Variants in DYNC2LI1 observed in about 807,000 individuals in gnomAD.
DYNC2LI1 encodes dynein cytoplasmic 2 light intermediate chain 1.
DYNC2LI1 carries 45 observed loss-of-function variants against 51.9 expected under a neutral mutation model. That is an observed-to-expected ratio of 0.87 (90% CI 0.68 to 1.11). The LOEUF (loss-of-function observed/expected upper bound fraction) is 1.11. Among genes scored for constraint, DYNC2LI1 ranks in the 50% most tolerant of loss-of-function variants. DYNC2LI1 has a pLI of 0.00. For missense variants in DYNC2LI1, 490 were observed against 417.4 expected, an observed-to-expected ratio of 1.17 and a Z score of -1.51; for synonymous variants, 130 against 137.8, an observed-to-expected ratio of 0.94 and a Z score of 0.40.
chr2:43,813,078 C>T (rs377147892), downstream of DYNC2LI1: 12 of 836,556 alleles, frequency 1.4e-5, no homozygotes, highest in South Asian at 2.7e-5. Flanking sequence ...CATGCACAGT[C>T]GGCAGCTTCA....
intron 2 of DYNC2LI1, among the ~76,000 whole-genome samples, chr2:43,777,798 T>C (rs1038990081): frequency 2.6e-5 from 4 of 152,136 alleles, no homozygotes; most frequent in African/African-American, 9.7e-5. Flanking sequence ...ACACCCTCCA[T>C]TGGGGGTTTT....
At chr2:43,805,946 A>G (rs771871462) in intron 12 of DYNC2LI1, among the ~76,000 whole-genome samples, 1 of 150,938 alleles carries the variant, frequency 6.6e-6, no homozygotes, top group African/African-American at 2.5e-5. Flanking sequence ...CAGTGGCATG[A>G]CCTCGGCTCA....
the DYNC2LI1 span, among the ~76,000 whole-genome samples, chr2:43,820,332 C>T: frequency 5.3e-5 from 8 of 152,330 alleles, no homozygotes; most frequent in Admixed American, 1.3e-4. Flanking sequence ...TTCCCTTTCA[C>T]GGCTCCTTCA....
chr2:43,816,274 GAC>G, the DYNC2LI1 span, among the ~76,000 whole-genome samples: 1 of 152,214 alleles, frequency 6.6e-6, no homozygotes, highest in Non-Finnish European at 1.5e-5. Flanking sequence ...TGATGAATGA[GAC>G]ACAGCTGCTG....
chr2:43,827,922 A>C, the DYNC2LI1 span: 2 of 1,607,998 alleles, frequency 1.2e-6, no homozygotes, highest in East Asian at 4.5e-5. Flanking sequence ...GGCCCAAAGT[A>C]TCTGCACACA....
the DYNC2LI1 span, among the ~76,000 whole-genome samples, chr2:43,817,375 T>G: frequency 6.6e-6 from 1 of 151,722 alleles, no homozygotes; most frequent in Non-Finnish European, 1.5e-5. Context: ...ATCCCAGCTA[T>G]TCAGGAGGCT....
chr2:43,783,490 ACG>A (rs768349575), intron 2 of DYNC2LI1, 28 bp from the exon 3 acceptor site: 11 of 1,502,190 alleles, frequency 7.3e-6, no homozygotes, highest in Non-Finnish European at 9.8e-6. Context: ...AGTGACATTA[ACG>A]CAGTGTTCCT....
chr2:43,809,075 G>T (rs1295686234), intron 12 of DYNC2LI1, among the ~76,000 whole-genome samples: 3 of 151,826 alleles, frequency 2.0e-5, no homozygotes, highest in Non-Finnish European at 4.4e-5. Flanking sequence ...TGCAGCCTTG[G>T]CCTCCCAGGT....
In DYNC2LI1 at chr2:43,804,635, A is replaced by G; in HGVS notation, c.803-7A>G. ...GCAGTCATTTGTGGTAAAACTTGCT[A>G]TTTTAGGATCTCCTCCTGTTCCTGA... is the stretch of plus-strand genomic sequence containing the variant. On this transcript the variant is annotated splice_region_variant and splice_polypyrimidine_tract_variant and intron_variant, in intron 10 of 12. Coordinates refer to ENST00000260605, the MANE Select transcript of DYNC2LI1 (RefSeq NM_016008.4). 1 of 1,569,578 alleles carries G rather than the reference A, an allele frequency of 6.4e-7. No individual in the cohort carries two copies. The highest frequency in any genetic ancestry group is 1.2e-5 in the South Asian group (1 of 84,160).
intron 12 of DYNC2LI1, among the ~76,000 whole-genome samples, chr2:43,808,602 C>A (rs148557774): frequency 6.6e-6 from 1 of 152,116 alleles, no homozygotes. Context: ...AGGATAGCCA[C>A]CTCCACTAAA....
At chr2:43,796,316 C>T (rs2104699828) in intron 7 of DYNC2LI1, among the ~76,000 whole-genome samples, 1 of 143,796 alleles carries the variant, frequency 7.0e-6, no homozygotes, top group South Asian at 2.2e-4. Context: ...CTGGGTTACA[C>T]AGTGAGACAC....
At chr2:43,816,846 C>A in the DYNC2LI1 span, among the ~76,000 whole-genome samples, 2 of 152,210 alleles carry the variant, frequency 1.3e-5, no homozygotes, top group Admixed American at 1.3e-4. Context: ...GGCTCTGATA[C>A]TTCAGGTAAC....
intron 2 of DYNC2LI1, among the ~76,000 whole-genome samples, chr2:43,779,853 T>C (rs561849431): frequency 1.3e-5 from 2 of 152,246 alleles, no homozygotes; most frequent in Non-Finnish European, 2.9e-5. Flanking sequence ...TTGATACTAA[T>C]CTGCCCAGAG....
At chr2:43,824,945 A>C in the DYNC2LI1 span, 1 of 1,614,138 alleles carries the variant, frequency 6.2e-7, no homozygotes, top group Non-Finnish European at 8.5e-7. Flanking sequence ...GTCATTGAAG[A>C]AATCAAGCAT....
At chr2:43,810,389 A>G (rs1314461195), downstream of DYNC2LI1, 2 of 985,250 alleles carry the variant, frequency 2.0e-6, no homozygotes, top group South Asian at 4.7e-5. Flanking sequence ...AGGCACATCT[A>G]AGGAGATATC....
At position 43,782,009 on chromosome 2, in the gene DYNC2LI1, C is replaced by G. The variant is rs1184173518; in HGVS notation, c.127-1511C>G. Among the ~76,000 whole-genome samples the G allele has an allele frequency of 2.4e-5, 3 of 126,680 alleles. 1 individual carries two copies. Among genetic ancestry groups the G allele is most frequent in the African/African-American group, 7.1e-5 (2 of 28,266 alleles). The allele number at this position is 126,680 out of a possible 152,430, so 83.1% of individuals were successfully genotyped here. A position where few individuals can be genotyped will look rare whatever the true frequency, so the allele number is the denominator to read the frequency against. On this transcript the variant is annotated intron_variant, in intron 2 of 12. Coordinates refer to ENST00000260605, the MANE Select transcript of DYNC2LI1 (RefSeq NM_016008.4). ...CCTACATTTGTGTGTTTGTTTCTGT[C>G]TATGTGTGTGTGTGTGTGTGTGTGT...
chr2:43,778,194 G>A (rs752165625), intron 2 of DYNC2LI1, among the ~76,000 whole-genome samples: 14 of 152,088 alleles, frequency 9.2e-5, no homozygotes, highest in African/African-American at 1.9e-4. Context: ...ACAGGGTCTC[G>A]CTCTGGTTGC....
At chr2:43,795,988 T>A (rs1266781830) in intron 7 of DYNC2LI1, 30 bp downstream of exon 7, 1 of 1,533,334 alleles carries the variant, frequency 6.5e-7, no homozygotes, top group Non-Finnish European at 9.0e-7. Context: ...GCTGAGTTTG[T>A]TGTACATATA....
the DYNC2LI1 span, among the ~76,000 whole-genome samples, chr2:43,815,910 GA>G: frequency 3.2e-3 from 333 of 104,066 alleles, 1 homozygote; most frequent in East Asian, 0.023. Flanking sequence ...AACAGGAAAA[GA>G]AAAAAAAAAA....
Sources: allele counts gnomAD v4.1 joint callset (sites outside exome capture counted in the v4.1 genomes callset), GRCh38; gene constraint gnomAD v4.1.1; transcripts MANE v1.5; gene names NCBI Gene and HGNC (gene_info 2026-07-23, HGNC 2026-07-21).